The following LOC128462377 variants were observed in gnomAD, a reference collection of about 807,000 sequenced individuals.
the LOC128462377 span, among the ~76,000 whole-genome samples, chr16:89,344,015 T>G: frequency 6.6e-6 from 1 of 152,072 alleles, no homozygotes; most frequent in East Asian, 1.9e-4. Flanking sequence ...TAAATATCGG[T>G]GCAGGCGGCC....
chr16:89,374,659 G>C, the LOC128462377 span, among the ~76,000 whole-genome samples: 1 of 152,198 alleles, frequency 6.6e-6, no homozygotes, highest in African/African-American at 2.4e-5. Flanking sequence ...ACGATCAGAG[G>C]AGAAAAGCTC....
the LOC128462377 span, among the ~76,000 whole-genome samples, chr16:89,359,316 G>C: frequency 6.6e-6 from 1 of 152,134 alleles, no homozygotes; most frequent in Non-Finnish European, 1.5e-5. Flanking sequence ...TCCCAGAGCA[G>C]CCATTTCCCA....
At chr16:89,335,712 TGCAAACA>T in the LOC128462377 span, among the ~76,000 whole-genome samples, 1 of 152,212 alleles carries the variant, frequency 6.6e-6, no homozygotes, top group Admixed American at 6.5e-5. Flanking sequence ...CCCAGGGGCC[TGCAAACA>T]GCAAGGACCA....
chr16:89,330,663 GGGGGGGGGGGGGC>G, the LOC128462377 span, among the ~76,000 whole-genome samples: 102 of 41,450 alleles, frequency 2.5e-3, 12 homozygotes, highest in Middle Eastern at 4.9e-3. Flanking sequence ...TGACTGGGGG[GGGGGGGGGGGGGC>G]GGGGGCGGAG....
the LOC128462377 span, among the ~76,000 whole-genome samples, chr16:89,391,021 G>C: frequency 6.6e-6 from 1 of 152,118 alleles, no homozygotes; most frequent in Non-Finnish European, 1.5e-5. Flanking sequence ...GAGGTCAGGA[G>C]ATCGAGACCA....
the LOC128462377 span, among the ~76,000 whole-genome samples, chr16:89,364,424 G>A: frequency 6.6e-6 from 1 of 152,228 alleles, no homozygotes; most frequent in Non-Finnish European, 1.5e-5. Context: ...CTCACGGTAA[G>A]AACAAGCTGA....
chr16:89,408,578 G>A, the LOC128462377 span, among the ~76,000 whole-genome samples: 1 of 152,146 alleles, frequency 6.6e-6, no homozygotes, highest in East Asian at 1.9e-4. Flanking sequence ...CGTGAGCACT[G>A]CCCCACACAC....
At chr16:89,393,200 C>G in the LOC128462377 span, among the ~76,000 whole-genome samples, 3 of 152,262 alleles carry the variant, frequency 2.0e-5, no homozygotes, top group South Asian at 2.1e-4. Context: ...GAGAGCACGA[C>G]GCCAGCCTCA....
the LOC128462377 span, among the ~76,000 whole-genome samples, chr16:89,381,117 G>A: frequency 1.5e-3 from 230 of 152,264 alleles, 3 homozygotes; most frequent in African/African-American, 5.0e-3. Flanking sequence ...GAGATCAGGA[G>A]TTTGAGACCA....
the LOC128462377 span, among the ~76,000 whole-genome samples, chr16:89,408,511 C>T: frequency 6.6e-6 from 1 of 152,264 alleles, no homozygotes. Context: ...TGCTCTGGCA[C>T]ACCGCAGGCC....
the LOC128462377 span, chr16:89,360,475 C>T: frequency 6.6e-6 from 1 of 152,292 alleles, no homozygotes; most frequent in East Asian, 1.9e-4. Context: ...AAACTATATA[C>T]CACAAATCCT....
At chr16:89,333,951 T>G in the LOC128462377 span, among the ~76,000 whole-genome samples, 105 of 152,072 alleles carry the variant, frequency 6.9e-4, no homozygotes, top group African/African-American at 2.4e-3. Context: ...ACAATTCAAA[T>G]GCTGGCCTAA....
At chr16:89,403,003 AG>A in the LOC128462377 span, among the ~76,000 whole-genome samples, 1 of 152,308 alleles carries the variant, frequency 6.6e-6, no homozygotes, top group South Asian at 2.1e-4. Flanking sequence ...CAGTCACCTC[AG>A]CCCCACCATC....
chr16:89,405,881 C>A, the LOC128462377 span, among the ~76,000 whole-genome samples: 2 of 152,018 alleles, frequency 1.3e-5, no homozygotes, highest in East Asian at 3.9e-4. Flanking sequence ...GAGCCAACGC[C>A]GGCAGATCAC....
At chr16:89,397,871 G>A in the LOC128462377 span, among the ~76,000 whole-genome samples, 2 of 152,178 alleles carry the variant, frequency 1.3e-5, no homozygotes, top group Non-Finnish European at 1.5e-5. Context: ...ACAAACCTTC[G>A]TCCTGGGCAT....
At chr16:89,374,247 T>C in the LOC128462377 span, among the ~76,000 whole-genome samples, 1 of 152,196 alleles carries the variant, frequency 6.6e-6, no homozygotes, top group Admixed American at 6.5e-5. Context: ...CAATGAGATT[T>C]TATGCTTATT....
chr16:89,377,259 G>C, the LOC128462377 span, among the ~76,000 whole-genome samples: 1 of 152,138 alleles, frequency 6.6e-6, no homozygotes, highest in Admixed American at 6.5e-5. Flanking sequence ...GGAAAGGACT[G>C]TCAACATGGG....
At chr16:89,362,753 G>A in the LOC128462377 span, among the ~76,000 whole-genome samples, 1 of 152,200 alleles carries the variant, frequency 6.6e-6, no homozygotes, top group Admixed American at 6.5e-5. Context: ...TATACTGGTC[G>A]AAGCAAGCAT....
chr16:89,332,383 G>GC, the LOC128462377 span, among the ~76,000 whole-genome samples: 1 of 152,126 alleles, frequency 6.6e-6, no homozygotes, highest in Non-Finnish European at 1.5e-5. Context: ...GAAACACTGA[G>GC]CCCCCCAAGT....
Sources: gnomAD v4.1 joint callset for allele counts (sites outside exome capture counted in the v4.1 genomes callset) on GRCh38, gnomAD v4.1.1 for gene constraint, MANE v1.5 for transcripts.